The following SPNS3 variants were observed in gnomAD, a reference collection of about 807,000 sequenced individuals.
The protein encoded by SPNS3 is SPNS lysolipid transporter 3, sphingosine-1-phosphate (putative).
In SPNS3, 51 loss-of-function variants were observed where a neutral mutation model predicts 54.4. That is an observed-to-expected ratio of 0.94 (90% CI 0.75 to 1.18). SPNS3 has a LOEUF of 1.18. SPNS3 is among the 50% of genes most tolerant of loss of function. The pLI is 0.00. For missense variants in SPNS3, 669 were observed against 677.4 expected, an observed-to-expected ratio of 0.99 and a Z score of 0.14; for synonymous variants, 309 against 294.7, an observed-to-expected ratio of 1.05 and a Z score of -0.50.
At chr17:4,435,447 A>C (rs569113502) in intron 1 of SPNS3, among the ~76,000 whole-genome samples, 4 of 148,284 alleles carry the variant, frequency 2.7e-5, no homozygotes, top group African/African-American at 5.1e-5. Flanking sequence ...TCTCAAAAAA[A>C]AAAAAATAAA....
intron 7 of SPNS3, among the ~76,000 whole-genome samples, chr17:4,451,955 A>C (rs1971178659): frequency 6.6e-6 from 1 of 151,922 alleles, no homozygotes; most frequent in Non-Finnish European, 1.5e-5. Context: ...CTGGGATTAC[A>C]AGCTTAAGCC....
chr17:4,480,826 GCAC>G (rs10598463), intron 9 of SPNS3, among the ~76,000 whole-genome samples: 97,824 of 151,152 alleles, frequency 0.65, 31,637 homozygotes, highest in East Asian at 0.79. Flanking sequence ...ACAATGCTTT[GCAC>G]CACCATCCCA....
At chr17:4,469,325 G>A (rs1259240314) in intron 8 of SPNS3, among the ~76,000 whole-genome samples, 1 of 152,046 alleles carries the variant, frequency 6.6e-6, no homozygotes, top group Non-Finnish European at 1.5e-5. Flanking sequence ...GGGCTTGAGT[G>A]ATCCGCCTGC....
chr17:4,485,279 A>G (rs1043758263), intron 9 of SPNS3: 1 of 152,144 alleles, frequency 6.6e-6, no homozygotes, highest in Admixed American at 6.5e-5. Flanking sequence ...TATTACCCCC[A>G]CTTGGGGATG....
intron 8 of SPNS3, among the ~76,000 whole-genome samples, chr17:4,478,370 A>ATGGGTC (rs1390621072): frequency 6.6e-6 from 1 of 152,106 alleles, no homozygotes; most frequent in Non-Finnish European, 1.5e-5. Flanking sequence ...ACACTCGCTT[A>ATGGGTC]TGGGTCCTGG....
At chr17:4,460,598 A>AT (rs1971472072) in intron 8 of SPNS3, among the ~76,000 whole-genome samples, 1 of 145,746 alleles carries the variant, frequency 6.9e-6, no homozygotes, top group South Asian at 2.2e-4. Flanking sequence ...CGCCTGGCTA[A>AT]TTTTTTGTAT....
intron 1 of SPNS3, among the ~76,000 whole-genome samples, chr17:4,435,801 T>G (rs62066151): frequency 0.79 from 119,264 of 151,372 alleles, 47,744 homozygotes; most frequent in Middle Eastern, 0.82. Flanking sequence ...GCGTGGTGGC[T>G]CACGCCTGTA....
chr17:4,477,449 C>A (rs1170145471), intron 8 of SPNS3, among the ~76,000 whole-genome samples: 1 of 152,194 alleles, frequency 6.6e-6, no homozygotes, highest in Non-Finnish European at 1.5e-5. Context: ...CTAATTCCAC[C>A]CCTGCAATAA....
chr17:4,475,360 G>A (rs1237311989), intron 8 of SPNS3, among the ~76,000 whole-genome samples: 1 of 152,254 alleles, frequency 6.6e-6, no homozygotes, highest in Non-Finnish European at 1.5e-5. Flanking sequence ...TGGGGCCTGG[G>A]AAACTGGGGA....
chr17:4,483,476 C>G lies in SPNS3; in HGVS notation c.1180-2752C>G, dbSNP rs1972228082. 1.3e-5 allele frequency: 2 copies of G among 152,340 alleles called. No individual in the cohort carries two copies. The highest frequency in any genetic ancestry group is 4.1e-4 in the South Asian group (2 of 4,826). The allele number at this position is 152,340 out of a possible 1,614,324, so 9.4% of individuals were successfully genotyped here. ...CCTCTCTCGCCACTGGCAGCAGTGA[C>G]TGAGCTGGGCCCAGCAGGTTGGGGT... is the stretch of plus-strand genomic sequence containing the variant. On this transcript the variant is annotated intron_variant, in intron 9 of 11. Transcript: ENST00000355530. This position sits in a 1 kb window ranked among gnomAD's most constrained non-coding sequence, Gnocchi z 4.2.
At position 4,486,218 on chromosome 17, in the gene SPNS3, T is replaced by C. The variant is rs773889868; in HGVS notation, c.1180-10T>C. The C allele has an allele frequency of 2.0e-5, 30 of 1,530,210 alleles. No individual in the cohort carries two copies. The South Asian group carries it at 2.6e-4, about 13-fold the overall frequency. 94.8% of individuals were successfully genotyped at this position (1,530,210 alleles called of 1,614,324 possible). On this transcript the variant is annotated splice_polypyrimidine_tract_variant and intron_variant, in intron 9 of 11. Coordinates refer to ENST00000355530, the MANE Select transcript of SPNS3 (RefSeq NM_182538.5). This position sits in a 1 kb window ranked among gnomAD's most constrained non-coding sequence, Gnocchi z 5.5. ...TTGGGGTGCCCCCCTGCTGTGCCTA[T>C]GTTTTGCAGTCTGTGGTGGTGCCCA... is the stretch of plus-strand genomic sequence containing the variant.
At chr17:4,439,285 G>A (rs1206958844) in intron 1 of SPNS3, among the ~76,000 whole-genome samples, 3 of 151,934 alleles carry the variant, frequency 2.0e-5, no homozygotes, top group Admixed American at 6.6e-5. Context: ...CACCACGTCC[G>A]GCTAATTTTT....
rs201408858 is a variant in SPNS3, at chr17:4,469,640, A to G, written c.1114-8932A>G. Reference sequence around the variant, plus strand: ...CATCTCAAAAAAAAAAAAAAAAAAAAGCAATTGGATATGTATGTGTCTGGA... The same window carrying G: ...CATCTCAAAAAAAAAAAAAAAAAAAGGCAATTGGATATGTATGTGTCTGGA... On this transcript the variant is annotated intron_variant, in intron 8 of 11. Coordinates refer to ENST00000355530, the MANE Select transcript of SPNS3 (RefSeq NM_182538.5). Among the ~76,000 whole-genome samples the G allele has an allele frequency of 3.0e-4, 45 of 150,218 alleles. No homozygotes were observed. In the East Asian group the frequency reaches 8.4e-3, roughly 28 times the overall value.
intron 6 of SPNS3, 118 bp downstream of exon 6, chr17:4,448,421 C>A (rs1379855261): frequency 9.0e-6 from 9 of 998,238 alleles, no homozygotes; most frequent in Non-Finnish European, 1.2e-5. Flanking sequence ...GTGTTCACAG[C>A]CCTCCTCTTC....
intron 8 of SPNS3, among the ~76,000 whole-genome samples, chr17:4,474,406 AGGTTTG>A (rs772999157): frequency 6.6e-6 from 1 of 151,002 alleles, no homozygotes; most frequent in Non-Finnish European, 1.5e-5. Flanking sequence ...GTGAGGGAGG[AGGTTTG>A]GGTCTCAGCT....
At chr17:4,440,582 G>C (rs1286442564) in intron 2 of SPNS3, among the ~76,000 whole-genome samples, 2 of 152,156 alleles carry the variant, frequency 1.3e-5, no homozygotes, top group Admixed American at 1.3e-4. Flanking sequence ...GCCTGAGGGG[G>C]AGCCTGTGGT....
intron 3 of SPNS3, among the ~76,000 whole-genome samples, 189 bp from the exon 4 acceptor site, chr17:4,445,859 G>GGT (rs1970971090): frequency 6.6e-6 from 1 of 152,066 alleles, no homozygotes; most frequent in Non-Finnish European, 1.5e-5. Flanking sequence ...GGGGGCAGGT[G>GGT]GTGGCTGCAG....
chr17:4,448,343 C>T (rs749043512), intron 6 of SPNS3, 40 bp downstream of exon 6: 9 of 1,474,562 alleles, frequency 6.1e-6, no homozygotes, highest in Admixed American at 2.6e-5. Context: ...ACAGAAAAGC[C>T]CGTTTGTCTG....
chr17:4,443,953 T>C (rs1338870796), intron 2 of SPNS3, among the ~76,000 whole-genome samples: 1 of 152,090 alleles, frequency 6.6e-6, no homozygotes, highest in Non-Finnish European at 1.5e-5. Context: ...CTACAAAAAT[T>C]AGCCAGGTGT....
Sources: allele counts gnomAD v4.1 joint callset (sites outside exome capture counted in the v4.1 genomes callset), GRCh38; gene constraint gnomAD v4.1.1; non-coding constraint Gnocchi (gnomAD v3.1); transcripts MANE v1.5; gene names NCBI Gene and HGNC (gene_info 2026-07-23, HGNC 2026-07-21).